The following PALM2AKAP2 variants were observed in gnomAD, a reference collection of about 807,000 sequenced individuals.
PALM2AKAP2 encodes PALM2-AKAP2 fusion protein.
A neutral mutation model predicts 71.5 loss-of-function variants in PALM2AKAP2; 37 were observed. The ratio of observed to expected loss-of-function variants is 0.52; its 90% confidence interval spans 0.40 to 0.68. The LOEUF is 0.68. PALM2AKAP2 is among the 30% of genes least tolerant of loss of function. The pLI is 0.00. For missense variants in PALM2AKAP2, 1,224 were observed against 1,191.8 expected (o/e 1.03, Z -0.40); for synonymous variants, 468 against 478.8 (o/e 0.98, Z 0.29).
chr9:110,035,703 G>A lies in PALM2AKAP2; in HGVS notation c.582+19664G>A, dbSNP rs904196348. ...ATATAACATATATAGGATATGTTGT[G>A]TGTTATATATAACATATATAGGATA... On this transcript the variant is annotated intron_variant, in intron 7 of 9. Transcript: ENST00000302798. Among the ~76,000 whole-genome samples, 71 of 110,594 alleles carry A rather than the reference G, an allele frequency of 6.4e-4. 1 individual carries two copies. Among genetic ancestry groups the A allele is most frequent in the African/African-American group, 2.8e-3 (69 of 24,638 alleles). 72.6% of individuals were successfully genotyped at this position (110,594 alleles called of 152,430 possible). A position where few individuals can be genotyped will look rare whatever the true frequency, so the allele number is the denominator to read the frequency against.
At chr9:109,928,311 G>T (rs1831002455) in intron 5 of PALM2AKAP2, among the ~76,000 whole-genome samples, 1 of 152,128 alleles carries the variant, frequency 6.6e-6, no homozygotes, top group Non-Finnish European at 1.5e-5. Context: ...TGTTTCTCTG[G>T]CTTTAGCTGT....
chr9:110,036,933 A>G (rs1209952399), intron 7 of PALM2AKAP2, among the ~76,000 whole-genome samples: 1 of 152,144 alleles, frequency 6.6e-6, no homozygotes, highest in Non-Finnish European at 1.5e-5. Context: ...CTTGACCATT[A>G]CATAAAATAG....
intron 6 of PALM2AKAP2, among the ~76,000 whole-genome samples, chr9:110,003,478 G>T (rs1232097762): frequency 2.6e-5 from 4 of 152,128 alleles, no homozygotes; most frequent in African/African-American, 9.7e-5. Context: ...AATAGGTGTG[G>T]TGTGGTGCTG....
chr9:109,804,020 C>G (rs892834352), intron 1 of PALM2AKAP2, among the ~76,000 whole-genome samples: 2 of 152,166 alleles, frequency 1.3e-5, no homozygotes, highest in Admixed American at 1.3e-4. Context: ...CCAGGTAGCT[C>G]CAGAGAAAGA....
At chr9:109,798,474 C>T (rs1007888845) in intron 1 of PALM2AKAP2, among the ~76,000 whole-genome samples, 9 of 152,170 alleles carry the variant, frequency 5.9e-5, no homozygotes, top group Non-Finnish European at 8.8e-5. Context: ...AAACCTCTGC[C>T]TTGTCTACAC....
intron 1 of PALM2AKAP2, among the ~76,000 whole-genome samples, chr9:109,852,606 C>T (rs1408647478): frequency 6.6e-6 from 1 of 152,134 alleles, no homozygotes; most frequent in African/African-American, 2.4e-5. Flanking sequence ...GAGAAATCTC[C>T]AAACTACTTT....
chr9:109,870,507 C>T (rs1829576159), intron 2 of PALM2AKAP2, among the ~76,000 whole-genome samples: 1 of 152,188 alleles, frequency 6.6e-6, no homozygotes, highest in African/African-American at 2.4e-5. Context: ...GAGTGCCTAA[C>T]ACGTGCCTGG....
chr9:109,980,145 T>G (rs1832244118), intron 6 of PALM2AKAP2, among the ~76,000 whole-genome samples: 1 of 152,172 alleles, frequency 6.6e-6, no homozygotes, highest in Non-Finnish European at 1.5e-5. Flanking sequence ...TTCTTGGTTC[T>G]CAAGTTCCAG....
chr9:110,094,863 G>A (rs1834799652), intron 1 of PALM2AKAP2, among the ~76,000 whole-genome samples: 1 of 152,134 alleles, frequency 6.6e-6, no homozygotes, highest in African/African-American at 2.4e-5. Context: ...GCAAATAATG[G>A]AAAACATTAA....
intron 7 of PALM2AKAP2, among the ~76,000 whole-genome samples, chr9:110,039,942 C>T (rs1833482851): frequency 6.7e-6 from 1 of 150,302 alleles, no homozygotes; most frequent in Non-Finnish European, 1.5e-5. Context: ...AGGCAGTGGT[C>T]TAACAAGAAA....
intron 1 of PALM2AKAP2, among the ~76,000 whole-genome samples, chr9:109,729,279 T>C (rs12340768): frequency 0.31 from 47,474 of 152,022 alleles, 7,623 homozygotes; most frequent in Middle Eastern, 0.4. Flanking sequence ...TCCAACTTGA[T>C]GTGTCCTAAA....
intron 1 of PALM2AKAP2, among the ~76,000 whole-genome samples, chr9:109,717,155 G>T (rs1287591712): frequency 6.6e-6 from 1 of 152,140 alleles, no homozygotes; most frequent in African/African-American, 2.4e-5. Context: ...GAACATAAAA[G>T]GTCATGATGA....
intron 3 of PALM2AKAP2, among the ~76,000 whole-genome samples, chr9:109,920,440 G>A (rs1271970685): frequency 6.7e-6 from 1 of 150,298 alleles, no homozygotes; most frequent in Non-Finnish European, 1.5e-5. Flanking sequence ...GGTGCAATCT[G>A]GGCTCGCTGC....
At chr9:110,068,747 G>A (rs1834141457) in intron 1 of PALM2AKAP2, among the ~76,000 whole-genome samples, 1 of 152,098 alleles carries the variant, frequency 6.6e-6, no homozygotes, top group South Asian at 2.1e-4. Context: ...TGCCCAGACT[G>A]GTCTCGAACT....
At chr9:109,775,366 A>G (rs1226265020), upstream of PALM2AKAP2, among the ~76,000 whole-genome samples, 1 of 152,230 alleles carries the variant, frequency 6.6e-6, no homozygotes, top group Non-Finnish European at 1.5e-5. Flanking sequence ...ATTTTTCACA[A>G]TGGTGCTGTT....
intron 1 of PALM2AKAP2, among the ~76,000 whole-genome samples, chr9:109,774,376 C>T (rs79532909): frequency 0.014 from 2,193 of 152,286 alleles, 62 homozygotes; most frequent in African/African-American, 0.05. Context: ...AATATGTAGG[C>T]ATGTAGCTCT....
intron 1 of PALM2AKAP2, among the ~76,000 whole-genome samples, chr9:109,732,752 G>C (rs1372533572): frequency 6.6e-6 from 1 of 152,192 alleles, no homozygotes; most frequent in South Asian, 2.1e-4. Context: ...GGAGGGGTTA[G>C]AGAATGGCTG....
At chr9:110,086,750 T>A (rs1834583944) in intron 1 of PALM2AKAP2, among the ~76,000 whole-genome samples, 2 of 152,212 alleles carry the variant, frequency 1.3e-5, no homozygotes, top group Non-Finnish European at 2.9e-5. Flanking sequence ...CAGAGTGTAT[T>A]TGTCTCAAGT....
intron 6 of PALM2AKAP2, among the ~76,000 whole-genome samples, chr9:109,991,747 G>T (rs1331333225): frequency 6.6e-6 from 1 of 152,160 alleles, no homozygotes; most frequent in African/African-American, 2.4e-5. Context: ...CTCTATGGCT[G>T]CAGACATCAG....
Sources: gnomAD v4.1 joint callset for allele counts (sites outside exome capture counted in the v4.1 genomes callset) on GRCh38, gnomAD v4.1.1 for gene constraint, MANE v1.5 for transcripts, NCBI Gene and HGNC (gene_info 2026-07-23, HGNC 2026-07-21) for gene names.